The following PAG1 variants were observed in gnomAD, a reference collection of about 807,000 sequenced individuals.
PAG1 encodes phosphoprotein membrane anchor with glycosphingolipid microdomains 1.
A neutral mutation model predicts 31.7 loss-of-function variants in PAG1; 23 were observed. The ratio of observed to expected loss-of-function variants is 0.73; its 90% CI spans 0.52 to 1.03. The LOEUF (loss-of-function observed/expected upper bound fraction) is 1.03. PAG1 is among the 50% of genes least tolerant of loss of function. The pLI, the probability that PAG1 is intolerant of heterozygous loss-of-function variation, is 0.00. For missense variants in PAG1, 473 were observed against 540.7 expected (o/e 0.87, Z 1.24); for synonymous variants, 214 against 210.3 (o/e 1.02, Z -0.15).
At position 80,967,859 on chromosome 8, in the gene PAG1, T is replaced by C. The variant is rs1208165812; in HGVS notation, c.*8685A>G. ...CAATTAAAAAAGAACAAAGACAATT[T>C]GATAAGTGCCTTTAATTACAACATA... is the stretch of plus-strand genomic sequence containing the variant. On this transcript the variant is annotated 3_prime_UTR_variant, in exon 9 of 9. Transcript: ENST00000220597. The C allele has an allele frequency of 1.3e-5, 2 of 152,246 alleles. No individual in the cohort carries two copies. The highest frequency in any genetic ancestry group is 4.8e-5 in the African/African-American group (2 of 41,462). 9.4% of individuals were successfully genotyped at this position (152,246 alleles called of 1,614,324 possible).
chr8:81,076,096 T>C (rs1021277776), intron 1 of PAG1, among the ~76,000 whole-genome samples: 12 of 152,120 alleles, frequency 7.9e-5, no homozygotes, highest in Non-Finnish European at 1.6e-4. Flanking sequence ...GTTGGTGACC[T>C]GGCCTCCGGG....
rs1212385687 is a variant in PAG1 at position 80,971,910 on chromosome 8, A to C, written c.*4634T>G. 1 of 152,254 alleles carries C rather than the reference A, an allele frequency of 6.6e-6. No individual in the cohort carries two copies. The highest frequency in any genetic ancestry group is 1.5e-5 in the Non-Finnish European group (1 of 68,050). 9.4% of individuals were successfully genotyped at this position (152,254 alleles called of 1,614,324 possible). On this transcript the variant is annotated 3_prime_UTR_variant, in exon 9 of 9. Coordinates refer to ENST00000220597, the MANE Select transcript of PAG1 (RefSeq NM_018440.4). ...AATTTTAATTTGGTAATTCCAGATA[A>C]AGATTCTAATTTATCATGGTTTCTG... is the stretch of plus-strand genomic sequence containing the variant.
chr8:81,044,847 A>G (rs1185464333), intron 2 of PAG1, among the ~76,000 whole-genome samples: 2 of 152,156 alleles, frequency 1.3e-5, no homozygotes, highest in South Asian at 2.1e-4. Flanking sequence ...TTCCCTAAGC[A>G]TGACTAGTGT....
intron 7 of PAG1, among the ~76,000 whole-genome samples, chr8:80,981,013 C>G (rs533273229): frequency 1.3e-5 from 2 of 152,124 alleles, no homozygotes; most frequent in Non-Finnish European, 2.9e-5. Flanking sequence ...TAACACATCC[C>G]TTGTCTTAAT....
At chr8:81,107,010 T>A (rs1171327527) in intron 1 of PAG1, among the ~76,000 whole-genome samples, 4 of 152,152 alleles carry the variant, frequency 2.6e-5, no homozygotes, top group Non-Finnish European at 4.4e-5. Context: ...ATTTTTCTTT[T>A]AAATCACCCA....
intron 5 of PAG1, among the ~76,000 whole-genome samples, chr8:80,988,652 A>G (rs1269110467): frequency 6.6e-6 from 1 of 152,046 alleles, no homozygotes; most frequent in Non-Finnish European, 1.5e-5. Context: ...GGATCTTGCT[A>G]TGTTGCTCAG....
At chr8:81,096,943 T>G (rs1421545672) in intron 1 of PAG1, among the ~76,000 whole-genome samples, 2 of 152,246 alleles carry the variant, frequency 1.3e-5, no homozygotes, top group East Asian at 3.8e-4. Context: ...GAACTCATTC[T>G]CTTCAGCTGA....
intron 3 of PAG1, among the ~76,000 whole-genome samples, chr8:81,005,837 C>G (rs1050675572): frequency 6.6e-6 from 1 of 152,190 alleles, no homozygotes; most frequent in African/African-American, 2.4e-5. Context: ...CTGACGTTCT[C>G]CCAGTCCTGC....
rs1807168971 is a variant in PAG1, at chr8:80,975,924, C to T, written c.*620G>A. On this transcript the variant is annotated 3_prime_UTR_variant, in exon 9 of 9. Coordinates refer to ENST00000220597, the MANE Select transcript of PAG1 (RefSeq NM_018440.4). Reference sequence around the variant, plus strand: ...GGGACGTCCCTCCCCATCCCTTCACCCGCAGGGTCCAGATCCCCAGGTGCT... The same window carrying T: ...GGGACGTCCCTCCCCATCCCTTCACTCGCAGGGTCCAGATCCCCAGGTGCT... The T allele has an allele frequency of 6.6e-6, 1 of 152,242 alleles. No homozygotes were observed. Among genetic ancestry groups the T allele is most frequent in the African/African-American group, 2.4e-5 (1 of 41,450 alleles). The allele number at this position is 152,242 out of a possible 1,614,324, so 9.4% of individuals were successfully genotyped here.
intron 3 of PAG1, among the ~76,000 whole-genome samples, chr8:81,022,342 G>A (rs942604336): frequency 6.6e-6 from 1 of 152,018 alleles, no homozygotes; most frequent in Non-Finnish European, 1.5e-5. Context: ...TTACTGAAAG[G>A]CTCCTTTAGA....
At chr8:81,018,699 T>C (rs1285715038) in intron 3 of PAG1, among the ~76,000 whole-genome samples, 1 of 152,208 alleles carries the variant, frequency 6.6e-6, no homozygotes, top group Non-Finnish European at 1.5e-5. Context: ...TACACCATGA[T>C]TGTGAGGCCT....
intron 3 of PAG1, among the ~76,000 whole-genome samples, chr8:81,001,212 C>T (rs970224165): frequency 2.6e-5 from 4 of 152,232 alleles, no homozygotes; most frequent in Non-Finnish European, 4.4e-5. Flanking sequence ...ATTCAAGTGT[C>T]TCCTCTGCTG....
intron 2 of PAG1, among the ~76,000 whole-genome samples, chr8:81,065,948 G>A (rs1250109109): frequency 6.6e-6 from 1 of 152,072 alleles, no homozygotes; most frequent in Non-Finnish European, 1.5e-5. Context: ...GCTGTTACAT[G>A]TACTATAACA....
intron 1 of PAG1, among the ~76,000 whole-genome samples, chr8:81,092,125 G>A (rs1214212104): frequency 7.1e-6 from 1 of 140,366 alleles, no homozygotes; most frequent in East Asian, 2.1e-4. Flanking sequence ...GGCTAAGGAA[G>A]GTGGATGGCT....
In PAG1 at chr8:80,990,264, C is replaced by T. The variant is rs759154023; in HGVS notation, c.177+1215G>A. Among the ~76,000 whole-genome samples the T allele has an allele frequency of 1.3e-5, 2 of 151,966 alleles. No individual in the cohort carries two copies. The highest frequency in any genetic ancestry group is 4.8e-5 in the African/African-American group (2 of 41,358). On this transcript the variant is annotated intron_variant, in intron 5 of 8. Coordinates refer to ENST00000220597, the MANE Select transcript of PAG1 (RefSeq NM_018440.4). This position sits in a 1 kb window ranked among gnomAD's most constrained non-coding sequence, Gnocchi z 5.1. ...AAAATCCTGGGGGTCCCAGGAGGAA[C>T]GGGGAGTCCTGACAACTTCCTGCCT... is the stretch of plus-strand genomic sequence containing the variant.
At chr8:80,995,664 C>T (rs1210308024) in intron 3 of PAG1, among the ~76,000 whole-genome samples, 4 of 152,224 alleles carry the variant, frequency 2.6e-5, no homozygotes, top group Admixed American at 2.0e-4. Flanking sequence ...ATTCATACAA[C>T]AGATTAATTG....
rs945257908 is a variant in PAG1, at chr8:81,072,352, T to C, written c.-233-2182A>G. On this transcript the variant is annotated intron_variant, in intron 1 of 8. Coordinates refer to ENST00000220597, the MANE Select transcript of PAG1 (RefSeq NM_018440.4). ...ACTATAAACACCAATGTAAAATACA[T>C]GCTCTAAAACAGGGCTTTCAACCCT... 9.9e-5 allele frequency among the ~76,000 whole-genome samples: 15 copies of C among 152,214 alleles called. 1 individual carries two copies. The highest frequency in any genetic ancestry group is 3.6e-4 in the African/African-American group (15 of 41,462).
chr8:81,036,790 G>C (rs1808468459), intron 2 of PAG1, among the ~76,000 whole-genome samples: 1 of 152,092 alleles, frequency 6.6e-6, no homozygotes, highest in African/African-American at 2.4e-5. Context: ...CCACTCCCCA[G>C]CTGCTTTGGC....
intron 3 of PAG1, among the ~76,000 whole-genome samples, chr8:80,994,779 G>C (rs1807636714): frequency 6.6e-6 from 1 of 152,186 alleles, no homozygotes; most frequent in Admixed American, 6.5e-5. Flanking sequence ...CAAATGATCT[G>C]TCATCACAGA....
Sources: allele counts gnomAD v4.1 joint callset (sites outside exome capture counted in the v4.1 genomes callset), GRCh38; gene constraint gnomAD v4.1.1; non-coding constraint Gnocchi (gnomAD v3.1); transcripts MANE v1.5; gene names NCBI Gene and HGNC (gene_info 2026-07-23, HGNC 2026-07-21).